Variants in ENOX1 observed in about 807,000 individuals in gnomAD.
ENOX1 encodes candidate growth-related and time keeping constitutive hydroquinone (NADH) oxidase.
In ENOX1, 42 loss-of-function variants were observed where a neutral mutation model predicts 82.5. That is an observed-to-expected ratio of 0.51 (90% CI 0.40 to 0.66). The LOEUF (loss-of-function observed/expected upper bound fraction) is 0.66, where lower values mean the gene tolerates loss of function less well. Among genes scored for constraint, ENOX1 ranks in the 30% least tolerant of loss-of-function variants. ENOX1 has a pLI of 0.00. For missense variants in ENOX1, 608 were observed against 811.6 expected, an observed-to-expected ratio of 0.75 and a Z score of 3.05; for synonymous variants, 271 against 282.2, an observed-to-expected ratio of 0.96 and a Z score of 0.40.
intron 2 of ENOX1, among the ~76,000 whole-genome samples, chr13:43,570,849 C>T (rs186127856): frequency 6.6e-5 from 10 of 152,210 alleles, no homozygotes; most frequent in South Asian, 2.1e-4. Flanking sequence ...ACTGTTTGCA[C>T]GACAACATTT....
intron 2 of ENOX1, among the ~76,000 whole-genome samples, chr13:43,497,358 G>A (rs1219350992): frequency 6.6e-6 from 1 of 152,122 alleles, no homozygotes; most frequent in Non-Finnish European, 1.5e-5. Context: ...TGGAGGGAAA[G>A]TATTCACTGT....
Position 43,298,464 on chromosome 13 carries a change from T to C in ENOX1, c.1328A>G (p.Tyr443Cys), listed in dbSNP as rs1437898283. The C allele has an allele frequency of 6.2e-7, 1 of 1,614,004 alleles. No individual in the cohort carries two copies. Among genetic ancestry groups the C allele is most frequent in the African/African-American group, 1.3e-5 (1 of 74,930 alleles). Residue 443 changes from tyrosine to cysteine, a missense_variant, in exon 12 of 17, where the codon TAC (tyrosine) becomes TGC (cysteine). Transcript: ENST00000690772. The part of the protein sequence containing the change: ...NDSLRWQLDA[Y>C]RNEVELLKQE... ...TTTCAGCAGCTCCACCTCATTCCTG[T>C]AGGCATCCAGCTGCCAGCGGAGACT...
intron 1 of ENOX1, among the ~76,000 whole-genome samples, chr13:43,727,458 T>A (rs1474117558): frequency 6.6e-6 from 1 of 152,162 alleles, no homozygotes; most frequent in Non-Finnish European, 1.5e-5. Flanking sequence ...AACTAGGCCA[T>A]CCTTACAATG....
At chr13:43,450,889 T>A (rs986799484) in intron 3 of ENOX1, among the ~76,000 whole-genome samples, 1 of 152,018 alleles carries the variant, frequency 6.6e-6, no homozygotes, top group African/African-American at 2.4e-5. Flanking sequence ...ATACAGAAAA[T>A]TTTTAAAAAC....
At chr13:43,564,653 C>CA (rs923530636) in intron 2 of ENOX1, among the ~76,000 whole-genome samples, 4 of 152,164 alleles carry the variant, frequency 2.6e-5, no homozygotes, top group African/African-American at 9.7e-5. Context: ...GCCAACATCT[C>CA]AAACTCTGTT....
intron 5 of ENOX1, among the ~76,000 whole-genome samples, chr13:43,377,188 T>C (rs2051699356): frequency 6.6e-6 from 1 of 152,204 alleles, no homozygotes; most frequent in Admixed American, 6.5e-5. Flanking sequence ...GGGAGTGGAT[T>C]AGTTATTGTA....
chr13:43,283,776 T>A (rs1460368897), intron 12 of ENOX1, among the ~76,000 whole-genome samples: 1 of 152,066 alleles, frequency 6.6e-6, no homozygotes, highest in East Asian at 1.9e-4. Flanking sequence ...AGAAATTGGA[T>A]GCTTACCTCA....
intron 3 of ENOX1, among the ~76,000 whole-genome samples, chr13:43,440,442 A>C (rs2056297585): frequency 6.6e-6 from 1 of 152,218 alleles, no homozygotes; most frequent in Admixed American, 6.5e-5. Context: ...GACACTGCTT[A>C]CTACAATATG....
At chr13:43,485,980 G>T (rs1053345964) in intron 2 of ENOX1, among the ~76,000 whole-genome samples, 1 of 152,200 alleles carries the variant, frequency 6.6e-6, no homozygotes, top group Admixed American at 6.5e-5. Flanking sequence ...GGAGGCCGAG[G>T]TGGGTGGATC....
chr13:43,532,433 T>A (rs1424800039), intron 2 of ENOX1, among the ~76,000 whole-genome samples: 2 of 152,172 alleles, frequency 1.3e-5, no homozygotes, highest in Admixed American at 1.3e-4. Context: ...TCTGGGAGGC[T>A]AAGTCTATTT....
chr13:43,399,354 G>C (rs2053356261), intron 5 of ENOX1, among the ~76,000 whole-genome samples: 1 of 152,140 alleles, frequency 6.6e-6, no homozygotes, highest in Non-Finnish European at 1.5e-5. Context: ...TGATTTGTGG[G>C]TGTGCATTGG....
intron 12 of ENOX1, among the ~76,000 whole-genome samples, chr13:43,287,128 T>A (rs996799039): frequency 6.6e-6 from 1 of 152,144 alleles, no homozygotes; most frequent in African/African-American, 2.4e-5. Flanking sequence ...GTTTCCTACT[T>A]GACACACTGG....
In ENOX1 at chr13:43,326,464, C is replaced by T. The variant is rs770349357; in HGVS notation, c.1098G>A (p.Ser366=). ...TGTCTATGTTCTTGCGCTGGGCTTT[C>T]GAGAAATGGTCCCAAGCTTTTTGTC... ...STRQKAWDHF[S]KAQRKNIDIW... Residue 366 remains serine (S), a synonymous_variant, in exon 10 of 17, where the codon TCG becomes TCA. Coordinates refer to ENST00000690772, the MANE Select transcript of ENOX1 (RefSeq NM_001347969.2). 1.1e-5 allele frequency: 18 copies of T among 1,614,040 alleles called. No homozygotes were observed. The highest frequency in any genetic ancestry group is 8.9e-5 in the East Asian group (4 of 44,898).
chr13:43,720,102 CAT>C (rs35219321), intron 1 of ENOX1, among the ~76,000 whole-genome samples: 117,511 of 151,836 alleles, frequency 0.77, 48,327 homozygotes, highest in South Asian at 0.93. Flanking sequence ...ATATAAATTA[CAT>C]GTTATTATTG....
Position 43,380,153 on chromosome 13 carries a change from A to T in ENOX1, c.209-18701T>A, listed in dbSNP as rs72623321. 3.4e-3 allele frequency among the ~76,000 whole-genome samples: 517 copies of T among 152,032 alleles called. 21 individuals are homozygous for T. The East Asian group carries it at 0.088, about 26-fold the overall frequency. On this transcript the variant is annotated intron_variant, in intron 5 of 16. Coordinates refer to ENST00000690772, the MANE Select transcript of ENOX1 (RefSeq NM_001347969.2). ...CCATCACCAGCAGATCTATACTATA[A>T]GAAATATTAAAAAGGAATTCCTCTA...
chr13:43,723,872 A>C (rs1446643563), intron 1 of ENOX1, among the ~76,000 whole-genome samples: 2 of 152,208 alleles, frequency 1.3e-5, no homozygotes, highest in African/African-American at 4.8e-5. Context: ...TATTTCATTA[A>C]GATAAAAATG....
intron 2 of ENOX1, among the ~76,000 whole-genome samples, chr13:43,583,552 C>T (rs949202032): frequency 1.6e-4 from 24 of 152,276 alleles, no homozygotes; most frequent in Non-Finnish European, 3.4e-4. Context: ...GTTTGGAATG[C>T]CATCTGTCTA....
At chr13:43,386,400 T>C (rs781339434) in intron 5 of ENOX1, among the ~76,000 whole-genome samples, 2 of 152,208 alleles carry the variant, frequency 1.3e-5, no homozygotes, top group Non-Finnish European at 2.9e-5. Flanking sequence ...TAACTTTGTA[T>C]AGAATGATTT....
intron 2 of ENOX1, among the ~76,000 whole-genome samples, chr13:43,504,300 T>C (rs112516522): frequency 0.013 from 2,005 of 151,874 alleles, 45 homozygotes; most frequent in African/African-American, 0.046. Flanking sequence ...CACTGGATAG[T>C]AGAAATCCCA....
Sources: gnomAD v4.1 joint callset for allele counts (sites outside exome capture counted in the v4.1 genomes callset) on GRCh38, gnomAD v4.1.1 for gene constraint, MANE v1.5 for transcripts, NCBI Gene and HGNC (gene_info 2026-07-23, HGNC 2026-07-21) for gene names.